NBEAL2: variants seen among roughly 807,000 people sequenced by gnomAD.
The protein encoded by NBEAL2 is neurobeachin like 2, also known as neurobeachin-like protein 2.
NBEAL2 carries 160 observed loss-of-function variants against 299.8 expected under a neutral mutation model. The ratio of observed to expected loss-of-function variants is 0.53; its 90% CI spans 0.47 to 0.61. The LOEUF (loss-of-function observed/expected upper bound fraction) is 0.61, where lower values mean the gene tolerates loss of function less well. Among genes scored for constraint, NBEAL2 ranks in the 20% least tolerant of loss-of-function variants. The pLI, the probability that NBEAL2 is intolerant of heterozygous loss-of-function variation, is 0.00. For synonymous variants in NBEAL2, 1,493 were observed against 1,542.3 expected, an observed-to-expected ratio of 0.97 and a Z score of 0.75; for missense variants, 3,112 against 3,649.0, an observed-to-expected ratio of 0.85 and a Z score of 3.79.
Position 47,005,954 on chromosome 3 carries a change from G to C in NBEAL2, c.6810G>C (p.Glu2270Asp). The C allele has an allele frequency of 6.2e-7, 1 of 1,613,692 alleles. No homozygotes were observed. The highest frequency in any genetic ancestry group is 8.5e-7 in the Non-Finnish European group (1 of 1,179,886). ...TGCCTCCCTACTCTCAGGAGTCGGA[G>C]TATGTGTCTGCACACCTACACGAGT... ...IQQHRQALES[E>D]YVSAHLHEWI... Residue 2270 changes from glutamate to aspartate, a missense_variant, in exon 43 of 54, where the codon GAG (glutamate) becomes GAC (aspartate). Physicochemically the swap from Glu to Asp is conservative, Grantham distance 45. Transcript: ENST00000450053.
chr3:46,992,339 C>T, intron 9 of NBEAL2, 136 bp from the exon 10 acceptor site: 1 of 818,260 alleles, frequency 1.2e-6, no homozygotes, highest in Non-Finnish European at 2.1e-6. Context: ...GCACAGGGGG[C>T]TCAGCACCCT....
Position 47,001,346 on chromosome 3 carries a change from A to C in NBEAL2, c.4552A>C (p.Ser1518Arg). The change falls in exon 29 of 54, where the codon AGC becomes CGC. Residue 1518 changes from serine to arginine, a missense_variant. Physicochemically the swap from Ser to Arg is moderately radical, Grantham distance 110. Coordinates refer to ENST00000450053, the MANE Select transcript of NBEAL2 (RefSeq NM_015175.3). This position sits in a 1 kb window ranked among gnomAD's most constrained non-coding sequence, Gnocchi z 6.1. The stretch of plus-strand genomic sequence containing the variant: ...AGAGGCCCCCGTGGGGGTCCTGGCC[A>C]GCCTCACCCAGCAAGCGCTTTGGCT... ...IKEAPVGVLA[S>R]LTQQALWLLR... The C allele has an allele frequency of 1.2e-6, 2 of 1,613,296 alleles. No homozygotes were observed. The highest frequency in any genetic ancestry group is 1.7e-6 in the Non-Finnish European group (2 of 1,179,836).
chr3:47,001,231 G>C lies in NBEAL2; in HGVS notation c.4485-48G>C. ...GGGCTTCAGGAAGCCTCGGGGGAAG[G>C]AGAGAAGATAGTCAGGTAGACCCTT... On this transcript the variant is annotated intron_variant, in intron 28 of 53. Coordinates refer to ENST00000450053, the MANE Select transcript of NBEAL2 (RefSeq NM_015175.3). The surrounding 1 kb of genome is among the most constrained non-coding windows in gnomAD (Gnocchi z 6.1). 6.2e-7 allele frequency: 1 copy of C among 1,601,026 alleles called. No homozygotes were observed. The highest frequency in any genetic ancestry group is 1.1e-5 in the South Asian group (1 of 90,466).
chr3:46,998,275 C>T (rs755505064), intron 21 of NBEAL2, 49 bp downstream of exon 21: 41 of 1,583,842 alleles, frequency 2.6e-5, no homozygotes, highest in Non-Finnish European at 3.2e-5. Context: ...CAGCTGAGCA[C>T]TGAGAAGTTA....
chr3:46,984,016 A>T (rs2035525801), intron 1 of NBEAL2, among the ~76,000 whole-genome samples: 1 of 151,810 alleles, frequency 6.6e-6, no homozygotes, highest in South Asian at 2.1e-4. Flanking sequence ...AAAAAAAAAT[A>T]GTGTCCAGGC....
rs2037312401 is a variant in NBEAL2, at chr3:47,004,945, G to A, written c.6295-27G>A. The A allele has an allele frequency of 6.3e-7, 1 of 1,590,032 alleles. No homozygotes were observed. The highest frequency in any genetic ancestry group is 2.3e-5 in the East Asian group (1 of 43,320). ...GCTGGTAGGCCATCAGGGCCCTCAT[G>A]CAGCCCCTGCTCGGGTGGGTGGCCA... is the stretch of plus-strand genomic sequence containing the variant. On this transcript the variant is annotated intron_variant, in intron 38 of 53. Coordinates refer to ENST00000450053, the MANE Select transcript of NBEAL2 (RefSeq NM_015175.3). The surrounding 1 kb of genome is among the most constrained non-coding windows in gnomAD (Gnocchi z 5.0).
chr3:46,996,056 G>C lies in NBEAL2; in HGVS notation c.2151+5G>C. 6.3e-7 allele frequency: 1 copy of C among 1,598,692 alleles called. No homozygotes were observed. Among genetic ancestry groups the C allele is most frequent in the Admixed American group, 1.7e-5 (1 of 57,768 alleles). ...CGCTGCCCCTCCCTCAGTGAGGTGT[G>C]CCAAGCAAGGTTTGGGGAGGCCTTG... is the stretch of plus-strand genomic sequence containing the variant. On this transcript the variant is annotated splice_donor_5th_base_variant and intron_variant, in intron 15 of 53. Coordinates refer to ENST00000450053, the MANE Select transcript of NBEAL2 (RefSeq NM_015175.3).
In NBEAL2 at chr3:47,008,283, G is replaced by T. The variant is rs1192752642; in HGVS notation, c.7720G>T (p.Asp2574Tyr). The T allele has an allele frequency of 1.2e-6, 2 of 1,613,178 alleles. No homozygotes were observed. The highest frequency in any genetic ancestry group is 1.3e-5 in the African/African-American group (1 of 75,054). The stretch of plus-strand genomic sequence containing the variant: ...AGGACCCTAAGTTGCCTTCCTGCAG[G>T]ATGGAACTGTGATCATACACACTGT... ...ELDMAVSGSE[D>Y]GTVIIHTVRR... Residue 2574 changes from aspartate to tyrosine, a missense_variant and splice_region_variant, in exon 51 of 54, where the codon GAT becomes TAT. By Grantham distance (160) the Asp-to-Tyr change is radical (BLOSUM62 -3). This residue lies in a region of NBEAL2 where 348 missense variants were observed against 381.4 expected (regional missense o/e 0.91). Coordinates refer to ENST00000450053, the MANE Select transcript of NBEAL2 (RefSeq NM_015175.3).
At position 46,979,771 on chromosome 3, in the gene NBEAL2, C is replaced by G; in HGVS notation, c.-91C>G. The stretch of plus-strand genomic sequence containing the variant: ...CCGCTCCGCCCCGGAGTGACGCCCT[C>G]CGCCCATGGGCCTGGCCGAGGGCAA... On this transcript the variant is annotated 5_prime_UTR_variant, in exon 1 of 54. Coordinates refer to ENST00000450053, the MANE Select transcript of NBEAL2 (RefSeq NM_015175.3). 2.8e-6 allele frequency: 1 copy of G among 355,020 alleles called. No individual in the cohort carries two copies. Among genetic ancestry groups the G allele is most frequent in the Admixed American group, 4.8e-5 (1 of 20,828 alleles). 22.0% of individuals were successfully genotyped at this position (355,020 alleles called of 1,614,324 possible).
chr3:47,007,599 A>G lies in NBEAL2; in HGVS notation c.7409A>G (p.Asp2470Gly). ...VSGQALAVAP[D>G]GKLLFSGGHW... ...GGACAAGCACTGGCAGTGGCCCCGGATGGAAAGCTGCTATTCAGCGGTGGC... is the reference window on the plus strand; with the variant it reads ...GGACAAGCACTGGCAGTGGCCCCGGGTGGAAAGCTGCTATTCAGCGGTGGC... The change falls in exon 48 of 54, where the codon GAT becomes GGT. Residue 2470 changes from aspartate (D) to glycine (G), a missense_variant. By Grantham distance (94) the Asp-to-Gly change is moderately conservative (BLOSUM62 -1). Around this residue, in one of 3 missense-constraint regions of NBEAL2, gnomAD observed 348 missense variants for 381.4 expected, o/e 0.91. Transcript: ENST00000450053. 1 of 1,612,102 alleles carries G rather than the reference A, an allele frequency of 6.2e-7. No individual in the cohort carries two copies. Among genetic ancestry groups the G allele is most frequent in the Non-Finnish European group, 8.5e-7 (1 of 1,179,526 alleles).
At position 47,001,360 on chromosome 3, in the gene NBEAL2, A is replaced by C; in HGVS notation, c.4566A>C (p.Gln1522His). 1.9e-6 allele frequency: 3 copies of C among 1,613,336 alleles called. No homozygotes were observed. In the African/African-American group the frequency reaches 4.0e-5, roughly 21 times the overall value. The change falls in exon 29 of 54, where the codon CAA becomes CAC. Residue 1522 changes from glutamine to histidine, a missense_variant. Coordinates refer to ENST00000450053, the MANE Select transcript of NBEAL2 (RefSeq NM_015175.3). This position sits in a 1 kb window ranked among gnomAD's most constrained non-coding sequence, Gnocchi z 6.1. Reference protein sequence around the residue: ...PVGVLASLTQQALWLLRLLQD... With the variant: ...PVGVLASLTQHALWLLRLLQD... ...GGGTCCTGGCCAGCCTCACCCAGCA[A>C]GCGCTTTGGCTGCTGCGTCTGCTGC...
Position 47,009,570 on chromosome 3 carries a change from G to C in NBEAL2, c.*250G>C. ...GTCTGCGGCCGCAGCAGCACTTTTT[G>C]CACAGTCTGGGGCGGGGTTCCCCGG... is the stretch of plus-strand genomic sequence containing the variant. On this transcript the variant is annotated 3_prime_UTR_variant, in exon 54 of 54. Coordinates refer to ENST00000450053, the MANE Select transcript of NBEAL2 (RefSeq NM_015175.3). The C allele has an allele frequency of 1.8e-6, 1 of 547,088 alleles. No individual in the cohort carries two copies. Among genetic ancestry groups the C allele is most frequent in the Non-Finnish European group, 3.2e-6 (1 of 309,352 alleles). The allele number at this position is 547,088 out of a possible 1,614,324, so 33.9% of individuals were successfully genotyped here. A position where few individuals can be genotyped will look rare whatever the true frequency, so the allele number is the denominator to read the frequency against.
Position 47,006,406 on chromosome 3 carries a change from G to A in NBEAL2, c.7091G>A (p.Ser2364Asn), listed in dbSNP as rs1487745485. ...GCACGCCTGGACACTAACTCACCTA[G>A]CATCTTCCAGCACCTGGACGAACTC... ...RLARLDTNSP[S>N]IFQHLDELKA... is the part of the protein sequence containing the mutation. The change falls in exon 45 of 54, where the codon AGC becomes AAC. Residue 2364 changes from serine (S) to asparagine (N), a missense_variant. This residue lies in a region of NBEAL2 where 521 missense variants were observed against 729.6 expected (regional missense o/e 0.71). Coordinates refer to ENST00000450053, the MANE Select transcript of NBEAL2 (RefSeq NM_015175.3). 8 of 1,593,898 alleles carry A rather than the reference G, an allele frequency of 5.0e-6. No homozygotes were observed. Among genetic ancestry groups the A allele is most frequent in the Non-Finnish European group, 6.0e-6 (7 of 1,170,190 alleles).
chr3:47,006,313 G>T lies in NBEAL2; in HGVS notation c.7018-20G>T. 6.3e-7 allele frequency: 1 copy of T among 1,599,402 alleles called. No homozygotes were observed. The highest frequency in any genetic ancestry group is 1.1e-5 in the South Asian group (1 of 88,928). ...CCAGGGATGCCCATGCCATGGTGCTGACCAGCCACTTACCCACAGGAGCCA... is the reference window on the plus strand; with the variant it reads ...CCAGGGATGCCCATGCCATGGTGCTTACCAGCCACTTACCCACAGGAGCCA... On this transcript the variant is annotated intron_variant, in intron 44 of 53. Coordinates refer to ENST00000450053, the MANE Select transcript of NBEAL2 (RefSeq NM_015175.3).
Position 47,000,343 on chromosome 3 carries a change from A to G in NBEAL2, c.4244A>G (p.Asp1415Gly). 6.2e-7 allele frequency: 1 copy of G among 1,603,442 alleles called. No homozygotes were observed. Among genetic ancestry groups the G allele is most frequent in the South Asian group, 1.1e-5 (1 of 90,718 alleles). ...TCCAGTCTCTCCAATGTGCTGGAGG[A>G]CGGCAGCCTCCCGGAGCCCACCATT... Reference protein sequence around the residue: ...HSSSLSNVLEDGSLPEPTISG... With the variant: ...HSSSLSNVLEGGSLPEPTISG... Residue 1415 changes from aspartate (D) to glycine (G), a missense_variant, in exon 27 of 54, where the codon GAC becomes GGC. Around this residue, in one of 3 missense-constraint regions of NBEAL2, gnomAD observed 2,243 missense variants for 2,538.1 expected, o/e 0.88. Coordinates refer to ENST00000450053, the MANE Select transcript of NBEAL2 (RefSeq NM_015175.3). The surrounding 1 kb of genome is among the most constrained non-coding windows in gnomAD (Gnocchi z 4.5).
chr3:47,007,375 G>C (rs1291352256), intron 47 of NBEAL2, 25 bp downstream of exon 47: 3 of 1,580,580 alleles, frequency 1.9e-6, no homozygotes. Context: ...TGTGGGTGGG[G>C]TGGGCTACAA....
chr3:47,008,316 G>C lies in NBEAL2; in HGVS notation c.7753G>C (p.Gly2585Arg), dbSNP rs753184460. ...TGTGATCATACACACTGTACGCCGCGGACAGTTTGTAGCGGCACTACGGCC... is the reference window on the plus strand; with the variant it reads ...TGTGATCATACACACTGTACGCCGCCGACAGTTTGTAGCGGCACTACGGCC... The part of the protein sequence containing the change: ...GTVIIHTVRR[G>R]QFVAALRPLG... Residue 2585 changes from glycine to arginine, a missense_variant, in exon 51 of 54, where the codon GGA becomes CGA. This residue lies in a region of NBEAL2 where 348 missense variants were observed against 381.4 expected (regional missense o/e 0.91). Coordinates refer to ENST00000450053, the MANE Select transcript of NBEAL2 (RefSeq NM_015175.3). The C allele has an allele frequency of 2.5e-6, 4 of 1,613,176 alleles. No individual in the cohort carries two copies. Among genetic ancestry groups the C allele is most frequent in the Non-Finnish European group, 3.4e-6 (4 of 1,179,488 alleles).
Position 46,979,753 on chromosome 3 carries a change from GC to G in NBEAL2, c.-105del. 3.0e-6 allele frequency: 1 copy of G among 332,440 alleles called. No homozygotes were observed. 20.6% of individuals were successfully genotyped at this position (332,440 alleles called of 1,614,324 possible). A position where few individuals can be genotyped will look rare whatever the true frequency, so the allele number is the denominator to read the frequency against. ...TTCCCCAGTAGTACCGCGCCGCTCC[GC>G]CCCGGAGTGACGCCCTCCGCCCATG... On this transcript the variant is annotated 5_prime_UTR_variant, in exon 1 of 54. Coordinates refer to ENST00000450053, the MANE Select transcript of NBEAL2 (RefSeq NM_015175.3).
intron 17 of NBEAL2, 24 bp downstream of exon 17, chr3:46,996,857 G>T (rs1473671473): frequency 6.2e-7 from 1 of 1,611,500 alleles, no homozygotes. Flanking sequence ...CCAGGGGAGT[G>T]GTTGGCTCGA....
Sources: gnomAD v4.1 joint callset for allele counts (sites outside exome capture counted in the v4.1 genomes callset) on GRCh38, gnomAD v4.1.1 for gene constraint, gnomAD v4.1.1 regional missense constraint, Gnocchi (gnomAD v3.1) non-coding constraint, MANE v1.5 for transcripts, NCBI Gene and HGNC (gene_info 2026-07-23, HGNC 2026-07-21) for gene names.